ARHGAP21: variants seen among roughly 807,000 people sequenced by gnomAD.
The protein encoded by ARHGAP21 is rho GTPase-activating protein 21.
Under a neutral mutation model 164.6 loss-of-function variants are expected in ARHGAP21, and 38 were observed. That is an observed-to-expected ratio of 0.23 (90% CI 0.18 to 0.30). The LOEUF (loss-of-function observed/expected upper bound fraction) is 0.30. Ranked by LOEUF, ARHGAP21 falls within the 10% of genes least tolerant of loss-of-function variation. The pLI is 1.00. For missense variants in ARHGAP21, 1,822 were observed against 2,370.7 expected (o/e 0.77, Z 4.81); for synonymous variants, 766 against 857.9 (o/e 0.89, Z 1.87).
At chr10:24,590,841 A>G (rs1478662511) in intron 24 of ARHGAP21, 3 of 981,730 alleles carry the variant, frequency 3.1e-6, no homozygotes, top group Non-Finnish European at 3.6e-6. Flanking sequence ...AGAACTACTT[A>G]TACAGCCCAG....
chr10:24,591,465 T>A, intron 23 of ARHGAP21, 135 bp from the exon 24 acceptor site: 1 of 1,102,462 alleles, frequency 9.1e-7, no homozygotes, highest in Non-Finnish European at 1.3e-6. Flanking sequence ...TTACGCATAA[T>A]TAACTGCAAA....
At chr10:24,666,914 G>A in intron 4 of ARHGAP21, 71 bp downstream of exon 4, 1 of 1,077,086 alleles carries the variant, frequency 9.3e-7, no homozygotes, top group Non-Finnish European at 1.4e-6. Flanking sequence ...ATCTCATTTA[G>A]TATCACTTAA....
chr10:24,680,098 C>T (rs796817122), intron 2 of ARHGAP21, among the ~76,000 whole-genome samples: 118 of 152,120 alleles, frequency 7.8e-4, no homozygotes, highest in African/African-American at 2.6e-3. Flanking sequence ...CACATGATGT[C>T]CAGATTTGCT....
intron 2 of ARHGAP21, among the ~76,000 whole-genome samples, chr10:24,699,144 C>G (rs1843423726): frequency 6.6e-6 from 1 of 152,148 alleles, no homozygotes; most frequent in Non-Finnish European, 1.5e-5. Context: ...TTCCTTTCAT[C>G]TTTTCGTCCC....
chr10:24,688,202 C>T (rs1283752120), intron 2 of ARHGAP21, among the ~76,000 whole-genome samples: 2 of 152,110 alleles, frequency 1.3e-5, no homozygotes, highest in African/African-American at 2.4e-5. Context: ...GCCAGCCTGG[C>T]CAACATGGCG....
chr10:24,633,579 C>A (rs1282628211), intron 5 of ARHGAP21, 99 bp from the exon 6 acceptor site: 12 of 635,718 alleles, frequency 1.9e-5, no homozygotes, highest in East Asian at 1.5e-4. Context: ...TTTTTAATGT[C>A]GTATATATTA....
chr10:24,648,779 CA>C (rs11397639), intron 4 of ARHGAP21: 68,501 of 847,134 alleles, frequency 0.081, no homozygotes, highest in South Asian at 0.1. Flanking sequence ...AACTCTGTCT[CA>C]AAAAAAAAAA....
At chr10:24,589,363 A>G in intron 24 of ARHGAP21, 61 bp from the exon 25 acceptor site, 1 of 1,449,450 alleles carries the variant, frequency 6.9e-7, no homozygotes, top group East Asian at 2.3e-5. Flanking sequence ...TTCCACAAAC[A>G]ATGCAAAACT....
intron 9 of ARHGAP21, among the ~76,000 whole-genome samples, chr10:24,610,285 G>A (rs955135091): frequency 6.6e-6 from 1 of 151,826 alleles, no homozygotes; most frequent in African/African-American, 2.4e-5. Context: ...GCTGAGGCAG[G>A]AGAATCGCTT....
At chr10:24,648,847 T>C (rs961565988) in intron 4 of ARHGAP21, 10 of 985,104 alleles carry the variant, frequency 1.0e-5, no homozygotes, top group Non-Finnish European at 1.1e-5. Context: ...AGCCCCTTTA[T>C]ATCTGAGGCT....
intron 21 of ARHGAP21, 28 bp downstream of exon 21, chr10:24,594,922 A>G (rs749236140): frequency 3.9e-6 from 6 of 1,542,856 alleles, no homozygotes; most frequent in African/African-American, 1.4e-5. Context: ...CACTAAAAGT[A>G]CATTTCTTCA....
intron 2 of ARHGAP21, among the ~76,000 whole-genome samples, chr10:24,693,496 G>A (rs752679702): frequency 8.5e-5 from 13 of 152,146 alleles, no homozygotes; most frequent in Non-Finnish European, 1.5e-4. Flanking sequence ...GATTACAGGC[G>A]CTCGCCACCA....
At chr10:24,653,868 A>T (rs1838487313) in intron 4 of ARHGAP21, among the ~76,000 whole-genome samples, 1 of 152,214 alleles carries the variant, frequency 6.6e-6, no homozygotes. Flanking sequence ...ATTATATTTT[A>T]TCAAAATTAA....
At chr10:24,619,358 A>C (rs1285496840) in intron 9 of ARHGAP21, 115 bp downstream of exon 9, 1 of 1,059,404 alleles carries the variant, frequency 9.4e-7, no homozygotes, top group African/African-American at 1.6e-5. Flanking sequence ...ATTCACTAGA[A>C]ACATTTTAAA....
intron 9 of ARHGAP21, among the ~76,000 whole-genome samples, chr10:24,615,580 T>C (rs753662076): frequency 3.5e-4 from 53 of 152,284 alleles, no homozygotes; most frequent in Non-Finnish European, 6.3e-4. Flanking sequence ...CCAAAGAATA[T>C]GAAATTTGCA....
rs781668630 is a variant in ARHGAP21 at position 24,670,414 on chromosome 10, T to C, written c.64-17A>G. The C allele has an allele frequency of 1.3e-6, 2 of 1,560,222 alleles. No homozygotes were observed. The highest frequency in any genetic ancestry group is 4.5e-5 in the East Asian group (2 of 44,160). ...TTTTGAGACCTAAAGTGAAAAGATATTTAAAAGTTAACTACATAACACAAT... is the reference window on the plus strand; with the variant it reads ...TTTTGAGACCTAAAGTGAAAAGATACTTAAAAGTTAACTACATAACACAAT... On this transcript the variant is annotated splice_polypyrimidine_tract_variant and intron_variant, in intron 2 of 25. Transcript: ENST00000396432.
chr10:24,670,203 A>T lies in ARHGAP21; in HGVS notation c.243+15T>A. On this transcript the variant is annotated intron_variant, in intron 3 of 25. Transcript: ENST00000396432. The stretch of plus-strand genomic sequence containing the variant: ...TGTGGTTTTTTTTTCAAGTTGCGGT[A>T]ACTATTTCTCTTACCTTATATGAAA... 1 of 1,529,504 alleles carries T rather than the reference A, an allele frequency of 6.5e-7. No individual in the cohort carries two copies. Among genetic ancestry groups the T allele is most frequent in the Admixed American group, 1.9e-5 (1 of 53,364 alleles). The allele number at this position is 1,529,504 out of a possible 1,614,324, so 94.7% of individuals were successfully genotyped here. A position where few individuals can be genotyped will look rare whatever the true frequency, so the allele number is the denominator to read the frequency against.
chr10:24,591,201 C>G (rs2076315562), intron 24 of ARHGAP21, 24 bp downstream of exon 24: 2 of 1,570,718 alleles, frequency 1.3e-6, no homozygotes, highest in African/African-American at 1.4e-5. Context: ...GCCTAGAGGT[C>G]AAGACTGCCC....
intron 4 of ARHGAP21, chr10:24,640,016 G>C (rs1397760135): frequency 6.6e-6 from 1 of 151,910 alleles, no homozygotes; most frequent in Non-Finnish European, 1.5e-5. Context: ...GAAGATCACA[G>C]AGAAACAGAT....
Sources: allele counts gnomAD v4.1 joint callset (sites outside exome capture counted in the v4.1 genomes callset), GRCh38; gene constraint gnomAD v4.1.1; transcripts MANE v1.5; gene names NCBI Gene and HGNC (gene_info 2026-07-23, HGNC 2026-07-21).